Variants in PHACTR3 observed in about 807,000 individuals in gnomAD.
The protein encoded by PHACTR3 is protein phosphatase 1, regulatory subunit 123.
A neutral mutation model predicts 66.8 loss-of-function variants in PHACTR3; 16 were observed. The observed-to-expected ratio is 0.24, with a 90% confidence interval of 0.16 to 0.36. The LOEUF is 0.36. Ranked by LOEUF, PHACTR3 falls within the 10% of genes least tolerant of loss-of-function variation. The pLI, the probability that PHACTR3 is intolerant of heterozygous loss-of-function variation, is 1.00. For synonymous variants in PHACTR3, 323 were observed against 292.1 expected (o/e 1.11, Z -1.08); for missense variants, 647 against 719.9 (o/e 0.90, Z 1.16).
At chr20:59,615,549 G>A (rs139263377) in intron 1 of PHACTR3, among the ~76,000 whole-genome samples, 20 of 152,290 alleles carry the variant, frequency 1.3e-4, no homozygotes, top group Middle Eastern at 3.4e-3. Context: ...TCTCTGCCAG[G>A]TATCACAGGC....
At chr20:59,665,080 G>A (rs538687084) in intron 1 of PHACTR3, among the ~76,000 whole-genome samples, 1 of 152,232 alleles carries the variant, frequency 6.6e-6, no homozygotes, top group Admixed American at 6.5e-5. Context: ...CTAAATTGAA[G>A]TTTTATTTTC....
intron 7 of PHACTR3, among the ~76,000 whole-genome samples, chr20:59,790,235 A>T (rs938178050): frequency 6.6e-6 from 1 of 152,150 alleles, no homozygotes; most frequent in Admixed American, 6.5e-5. Flanking sequence ...TATTAATCTT[A>T]GTACCCATTA....
intron 1 of PHACTR3, among the ~76,000 whole-genome samples, chr20:59,708,479 A>G (rs958480761): frequency 2.0e-5 from 3 of 152,152 alleles, no homozygotes; most frequent in African/African-American, 7.2e-5. Flanking sequence ...TTGCACTCCT[A>G]TTCAGTTGGC....
At chr20:59,769,216 C>A (rs1308556061) in intron 5 of PHACTR3, among the ~76,000 whole-genome samples, 1 of 152,236 alleles carries the variant, frequency 6.6e-6, no homozygotes, top group African/African-American at 2.4e-5. Context: ...CCACATTGCC[C>A]CACCTTGTTT....
At chr20:59,747,229 C>T (rs1460468101) in intron 2 of PHACTR3, among the ~76,000 whole-genome samples, 1 of 152,206 alleles carries the variant, frequency 6.6e-6, no homozygotes, top group Admixed American at 6.5e-5. Context: ...CCCTTCCTGT[C>T]CATCTGGTAG....
At chr20:59,712,145 C>T (rs1171070338) in intron 1 of PHACTR3, among the ~76,000 whole-genome samples, 1 of 152,064 alleles carries the variant, frequency 6.6e-6, no homozygotes, top group African/African-American at 2.4e-5. Flanking sequence ...TTTATCTTAA[C>T]CCTGAATCAG....
At chr20:59,754,427 A>G (rs879873439) in intron 3 of PHACTR3, among the ~76,000 whole-genome samples, 1 of 152,118 alleles carries the variant, frequency 6.6e-6, no homozygotes, top group African/African-American at 2.4e-5. Flanking sequence ...TCACGGTGCC[A>G]TGTGTGGTCA....
At chr20:59,604,477 C>A, upstream of PHACTR3, 1 of 380,268 alleles carries the variant, frequency 2.6e-6, no homozygotes, top group Non-Finnish European at 3.6e-6. Flanking sequence ...CGTCATGCTC[C>A]TCTCGCGCGG....
chr20:59,758,149 G>A (rs373226087), intron 4 of PHACTR3, among the ~76,000 whole-genome samples: 95 of 152,282 alleles, frequency 6.2e-4, no homozygotes, highest in African/African-American at 1.6e-3. Flanking sequence ...ATGGTTCCCT[G>A]GGGACTTGTC....
intron 1 of PHACTR3, among the ~76,000 whole-genome samples, chr20:59,704,394 A>G (rs2037619412): frequency 6.6e-6 from 1 of 152,098 alleles, no homozygotes; most frequent in Non-Finnish European, 1.5e-5. Context: ...GAAGGTCTCC[A>G]TCACCAAGAG....
At position 59,757,561 on chromosome 20, in the gene PHACTR3, G is replaced by T. The variant is rs1447200906; in HGVS notation, c.541+2197G>T. ...AGAGCATGAGCTCTGCAGGCTGGAG[G>T]TGTCTGACACAGCCACTCGCCTCTG... On this transcript the variant is annotated intron_variant, in intron 4 of 12. Coordinates refer to ENST00000371015, the MANE Select transcript of PHACTR3 (RefSeq NM_080672.5). Among the ~76,000 whole-genome samples, 4 of 152,270 alleles carry T rather than the reference G, an allele frequency of 2.6e-5. No homozygotes were observed. The East Asian group carries it at 7.8e-4, about 30-fold the overall frequency.
chr20:59,816,297 C>T (rs375494074), intron 8 of PHACTR3, among the ~76,000 whole-genome samples: 1 of 152,192 alleles, frequency 6.6e-6, no homozygotes, highest in Admixed American at 6.5e-5. Context: ...CCACTACTCA[C>T]CTCCTGCTGT....
At chr20:59,608,894 G>A (rs951359646) in intron 1 of PHACTR3, among the ~76,000 whole-genome samples, 2 of 152,226 alleles carry the variant, frequency 1.3e-5, no homozygotes, top group African/African-American at 4.8e-5. Context: ...GTCCCTTCTA[G>A]ACTGGGAGCC....
intron 1 of PHACTR3, among the ~76,000 whole-genome samples, chr20:59,722,391 A>AG (rs2038351167): frequency 6.6e-6 from 1 of 152,084 alleles, no homozygotes; most frequent in Admixed American, 6.5e-5. Flanking sequence ...CCTGGCAGAG[A>AG]GGGTGGCTGA....
intron 1 of PHACTR3, among the ~76,000 whole-genome samples, chr20:59,714,219 T>A (rs550643686): frequency 6.6e-6 from 1 of 152,262 alleles, no homozygotes; most frequent in Non-Finnish European, 1.5e-5. Context: ...TTAATTTTAA[T>A]GTAGGTCCAT....
intron 1 of PHACTR3, among the ~76,000 whole-genome samples, chr20:59,642,559 G>A (rs1460312106): frequency 1.3e-5 from 2 of 152,050 alleles, no homozygotes; most frequent in African/African-American, 4.8e-5. Context: ...TCTCCACACT[G>A]CTTAGGACAC....
rs183767621 is a variant in PHACTR3, at chr20:59,722,191, C to T, written c.119-20916C>T. 2.7e-3 allele frequency among the ~76,000 whole-genome samples: 410 copies of T among 151,958 alleles called. 3 individuals are homozygous for T. Among genetic ancestry groups the T allele is most frequent in the African/African-American group, 9.4e-3 (389 of 41,438 alleles). The stretch of plus-strand genomic sequence containing the variant: ...AGCTTGCAGTGAGCCAAGAACATGC[C>T]ACTGCACTCCAGCCTGGGCAGCAGA... On this transcript the variant is annotated intron_variant, in intron 1 of 12. Transcript: ENST00000371015.
At chr20:59,673,682 G>A (rs971987868) in intron 1 of PHACTR3, among the ~76,000 whole-genome samples, 1 of 152,184 alleles carries the variant, frequency 6.6e-6, no homozygotes. Flanking sequence ...GGCTTGCTTG[G>A]TGCTGTCTTG....
intron 1 of PHACTR3, among the ~76,000 whole-genome samples, chr20:59,622,067 C>CAT (rs984763046): frequency 1.3e-5 from 2 of 151,654 alleles, no homozygotes; most frequent in African/African-American, 4.8e-5. Flanking sequence ...TGTGTTTGTG[C>CAT]ATATATATAT....
Sources: allele counts gnomAD v4.1 joint callset (sites outside exome capture counted in the v4.1 genomes callset), GRCh38; gene constraint gnomAD v4.1.1; transcripts MANE v1.5; gene names NCBI Gene and HGNC (gene_info 2026-07-23, HGNC 2026-07-21).